LRRIQ3: variants seen among roughly 807,000 people sequenced by gnomAD.
LRRIQ3 encodes leucine-rich repeat and IQ domain-containing protein 3.
A neutral mutation model predicts 59.3 loss-of-function variants in LRRIQ3; 75 were observed. The ratio of observed to expected loss-of-function variants is 1.26; its 90% CI spans 1.05 to 1.53. LRRIQ3 has a LOEUF of 1.53. LRRIQ3 is among the 40% of genes most tolerant of loss of function. LRRIQ3 has a pLI of 0.00. For missense variants in LRRIQ3, 831 were observed against 710.0 expected (o/e 1.17, Z -1.94); for synonymous variants, 250 against 231.3 (o/e 1.08, Z -0.73).
At chr1:74,056,332 C>T (rs1000354302) in intron 6 of LRRIQ3, among the ~76,000 whole-genome samples, 4 of 151,982 alleles carry the variant, frequency 2.6e-5, no homozygotes, top group Non-Finnish European at 5.9e-5. Context: ...TGCCCACTCT[C>T]ACCACTTGTA....
At chr1:74,119,586 C>T (rs1646823978) in intron 4 of LRRIQ3, among the ~76,000 whole-genome samples, 2 of 152,186 alleles carry the variant, frequency 1.3e-5, no homozygotes, top group Non-Finnish European at 2.9e-5. Flanking sequence ...TGTTTTAACT[C>T]ATCTGAAATA....
intron 5 of LRRIQ3, among the ~76,000 whole-genome samples, chr1:74,103,987 G>C (rs1427921208): frequency 6.6e-6 from 1 of 151,994 alleles, no homozygotes; most frequent in Non-Finnish European, 1.5e-5. Flanking sequence ...ATAGTCCTGA[G>C]TAAGGTGAAT....
intron 7 of LRRIQ3, among the ~76,000 whole-genome samples, chr1:74,029,642 T>C (rs879713715): frequency 2.6e-5 from 4 of 152,106 alleles, no homozygotes; most frequent in Non-Finnish European, 5.9e-5. Flanking sequence ...TCACCAGGGA[T>C]ATTGGTCTAA....
chr1:74,132,004 A>C (rs1345431235), intron 4 of LRRIQ3, among the ~76,000 whole-genome samples: 1 of 152,158 alleles, frequency 6.6e-6, no homozygotes, highest in Admixed American at 6.6e-5. Context: ...AAATCTCCTT[A>C]AGCTGATAAG....
At chr1:74,136,736 T>C (rs879221688) in intron 4 of LRRIQ3, among the ~76,000 whole-genome samples, 4 of 151,968 alleles carry the variant, frequency 2.6e-5, no homozygotes, top group Admixed American at 2.6e-4. Context: ...AGTAATTATT[T>C]TGCTAACTGT....
At chr1:74,028,400 A>C (rs1653585573) in intron 7 of LRRIQ3, among the ~76,000 whole-genome samples, 1 of 152,112 alleles carries the variant, frequency 6.6e-6, no homozygotes, top group Admixed American at 6.6e-5. Flanking sequence ...GTAAAGGACT[A>C]AGTGGGTTGA....
In LRRIQ3 at chr1:74,132,079, A is replaced by G. The variant is rs12044141; in HGVS notation, c.708-22526T>C. On this transcript the variant is annotated intron_variant, in intron 4 of 7. Transcript: ENST00000354431. Reference sequence around the variant, plus strand: ...AATATCACAAACGTTCTTATGCACCAATAACAGACAGAGAGCCAAATCATG... The same window carrying G: ...AATATCACAAACGTTCTTATGCACCGATAACAGACAGAGAGCCAAATCATG... Among the ~76,000 whole-genome samples, 308 of 152,268 alleles carry G rather than the reference A, an allele frequency of 2.0e-3. 6 individuals carry two copies. In the East Asian group the frequency reaches 0.044, roughly 22 times the overall value.
chr1:74,039,601 T>C (rs184222338), intron 7 of LRRIQ3, among the ~76,000 whole-genome samples: 1 of 152,144 alleles, frequency 6.6e-6, no homozygotes, highest in Admixed American at 6.5e-5. Flanking sequence ...GCAGAAACTC[T>C]ACAAGCCAGA....
rs199619382 is a variant in LRRIQ3 at position 74,041,726 on chromosome 1, C to T, written c.1205G>A (p.Arg402Gln). Residue 402 changes from arginine to glutamine, a missense_variant, in exon 7 of 8, where the codon CGG becomes CAG. Transcript: ENST00000354431. ...PIIKKDIRLE[R>Q]SMKEFFAPQR... ...TGGTGCAAAAAACTCTTTCATACTC[C>T]GCTCCAATCGTATGTCTTTTTTAAT... 202 of 1,613,388 alleles carry T rather than the reference C, an allele frequency of 1.3e-4. No homozygotes were observed. In the East Asian group the frequency reaches 1.4e-3, roughly 11 times the overall value.
intron 1 of LRRIQ3, among the ~76,000 whole-genome samples, chr1:74,188,401 T>C (rs1433330247): frequency 6.6e-6 from 1 of 152,174 alleles, no homozygotes; most frequent in Admixed American, 6.6e-5. Flanking sequence ...CCTGTACATC[T>C]ATCCCTGAAC....
chr1:74,145,936 G>A (rs1375274322), intron 4 of LRRIQ3, among the ~76,000 whole-genome samples: 1 of 152,006 alleles, frequency 6.6e-6, no homozygotes, highest in Non-Finnish European at 1.5e-5. Context: ...TCCAGTCAAT[G>A]ACAAACTGCA....
intron 4 of LRRIQ3, among the ~76,000 whole-genome samples, chr1:74,117,895 T>G (rs1646798773): frequency 6.6e-6 from 1 of 152,290 alleles, no homozygotes; most frequent in South Asian, 2.1e-4. Flanking sequence ...GACATTATAA[T>G]GGATATATAG....
At chr1:74,180,706 C>G in intron 3 of LRRIQ3, 1 of 1,548,192 alleles carries the variant, frequency 6.5e-7, no homozygotes, top group Non-Finnish European at 8.7e-7. Context: ...GTTGAAATCC[C>G]ACCTCATGAC....
At chr1:74,150,884 T>C (rs1439571466) in intron 4 of LRRIQ3, among the ~76,000 whole-genome samples, 3 of 152,084 alleles carry the variant, frequency 2.0e-5, no homozygotes, top group Non-Finnish European at 2.9e-5. Flanking sequence ...ATGATATGAC[T>C]ACAGGATATT....
At chr1:74,068,694 A>T (rs964209860) in intron 6 of LRRIQ3, among the ~76,000 whole-genome samples, 1 of 152,228 alleles carries the variant, frequency 6.6e-6, no homozygotes. Flanking sequence ...CTTTTAATTT[A>T]ACATCTGGTG....
chr1:74,154,113 T>G (rs1012469832), intron 4 of LRRIQ3, among the ~76,000 whole-genome samples: 2 of 150,964 alleles, frequency 1.3e-5, no homozygotes, highest in African/African-American at 4.9e-5. Context: ...TGGCGGCGGG[T>G]GCCTGTAGTC....
intron 5 of LRRIQ3, among the ~76,000 whole-genome samples, chr1:74,080,816 A>G (rs1646265495): frequency 6.6e-6 from 1 of 151,612 alleles, no homozygotes; most frequent in Non-Finnish European, 1.5e-5. Context: ...CAAAGCCTTC[A>G]CCTTAGGGGG....
At chr1:74,151,019 T>C (rs1647902790) in intron 4 of LRRIQ3, among the ~76,000 whole-genome samples, 1 of 140,646 alleles carries the variant, frequency 7.1e-6, no homozygotes, top group Non-Finnish European at 1.5e-5. Context: ...TTCTTTTTTT[T>C]TTTTTTTTTT....
chr1:74,178,755 G>T (rs1649795558), intron 3 of LRRIQ3, among the ~76,000 whole-genome samples: 3 of 152,144 alleles, frequency 2.0e-5, no homozygotes. Flanking sequence ...GTAGTCATGT[G>T]AGGCAGTTCC....
Sources: allele counts gnomAD v4.1 joint callset (sites outside exome capture counted in the v4.1 genomes callset), GRCh38; gene constraint gnomAD v4.1.1; transcripts MANE v1.5; gene names NCBI Gene and HGNC (gene_info 2026-07-23, HGNC 2026-07-21).